The following COL24A1 variants were observed in gnomAD, a reference collection of about 807,000 sequenced individuals.
COL24A1 encodes the protein collagen type XXIV alpha 1 chain, also known as collagen alpha-1(XXIV) chain.
A neutral mutation model predicts 253.9 loss-of-function variants in COL24A1; 224 were observed. That is an observed-to-expected ratio of 0.88 (90% CI 0.79 to 0.99). The LOEUF (loss-of-function observed/expected upper bound fraction) is 0.99. Among genes scored for constraint, COL24A1 ranks in the 50% least tolerant of loss-of-function variants. COL24A1 has a pLI of 0.00. For synonymous variants in COL24A1, 685 were observed against 673.7 expected (o/e 1.02, Z -0.26); for missense variants, 2,131 against 2,068.5 (o/e 1.03, Z -0.59).
At chr1:85,836,700 A>G (rs1470082172) in intron 43 of COL24A1, among the ~76,000 whole-genome samples, 1 of 152,222 alleles carries the variant, frequency 6.6e-6, no homozygotes, top group Non-Finnish European at 1.5e-5. Flanking sequence ...ATCAATAAAT[A>G]AAATGATCCC....
intron 24 of COL24A1, among the ~76,000 whole-genome samples, chr1:85,918,240 C>G (rs1686096811): frequency 6.7e-6 from 1 of 150,128 alleles, no homozygotes; most frequent in Admixed American, 6.7e-5. Flanking sequence ...GTTAACTTTT[C>G]TATCTAGAAA....
intron 47 of COL24A1, among the ~76,000 whole-genome samples, chr1:85,815,291 G>A (rs1444539317): frequency 6.6e-6 from 1 of 152,192 alleles, no homozygotes; most frequent in Non-Finnish European, 1.5e-5. Context: ...ACTATCACAT[G>A]GTGAGTCCGG....
At chr1:86,112,145 C>CA (rs1705683430) in intron 5 of COL24A1, among the ~76,000 whole-genome samples, 2 of 151,958 alleles carry the variant, frequency 1.3e-5, no homozygotes, top group African/African-American at 4.8e-5. Context: ...TAAACATCCT[C>CA]GGTTTTTTTT....
chr1:86,097,655 T>C (rs185717215), intron 5 of COL24A1, among the ~76,000 whole-genome samples: 3 of 131,486 alleles, frequency 2.3e-5, no homozygotes, highest in Admixed American at 7.8e-5. Context: ...CTCCTCCTCC[T>C]CCTCCCCTTC....
intron 19 of COL24A1, among the ~76,000 whole-genome samples, chr1:86,002,915 C>G (rs952955949): frequency 1.3e-5 from 2 of 152,144 alleles, no homozygotes; most frequent in Non-Finnish European, 2.9e-5. Context: ...TACTCTAGCC[C>G]ATATACCAGG....
chr1:85,919,985 C>G (rs761750730), intron 24 of COL24A1, among the ~76,000 whole-genome samples: 4 of 152,062 alleles, frequency 2.6e-5, no homozygotes, highest in Non-Finnish European at 5.9e-5. Context: ...CAGTTTAGTA[C>G]AGTTGCAAAT....
intron 1 of COL24A1, among the ~76,000 whole-genome samples, chr1:86,147,436 A>G (rs1337046181): frequency 6.6e-6 from 1 of 152,256 alleles, no homozygotes; most frequent in Non-Finnish European, 1.5e-5. Flanking sequence ...AATACTTAAC[A>G]ACTGTCACTA....
chr1:86,126,221 ATTT>A lies in COL24A1; in HGVS notation c.122-10_122-8del. ...TGATGAAGAATATCTATGCCTGGAAATTTAAAAAAGAGAGAGAGAAAGAATCTT... is the reference window on the plus strand; with the variant it reads ...TGATGAAGAATATCTATGCCTGGAAAAAAAAAGAGAGAGAGAAAGAATCTT... On this transcript the variant is annotated splice_polypyrimidine_tract_variant and splice_region_variant and intron_variant, in intron 2 of 59. Coordinates refer to ENST00000370571, the MANE Select transcript of COL24A1 (RefSeq NM_152890.7). The A allele has an allele frequency of 2.6e-6, 4 of 1,562,420 alleles. No homozygotes were observed. Among genetic ancestry groups the A allele is most frequent in the Admixed American group, 2.0e-5 (1 of 51,256 alleles).
rs749491248 is a variant in COL24A1 at position 85,847,771 on chromosome 1, C to A, written c.3356G>T (p.Gly1119Val). The A allele has an allele frequency of 6.2e-7, 1 of 1,606,462 alleles. No individual in the cohort carries two copies. Among genetic ancestry groups the A allele is most frequent in the Non-Finnish European group, 8.5e-7 (1 of 1,173,436 alleles). ...PGQRGRPGKK[G>V]DKGQIGPTGE... is the part of the protein sequence containing the mutation. The stretch of plus-strand genomic sequence containing the variant: ...TGTGGGTCCTATTTGTCCTTTATCA[C>A]CCTGTGGATGACATTATTAAGAGAG... The change falls in exon 39 of 60, where the codon GGT becomes GTT. Residue 1119 changes from glycine (G) to valine (V), a missense_variant and splice_region_variant. Gly to Val is a moderately radical substitution (Grantham distance 109, BLOSUM62 -3). Coordinates refer to ENST00000370571, the MANE Select transcript of COL24A1 (RefSeq NM_152890.7).
intron 55 of COL24A1, among the ~76,000 whole-genome samples, chr1:85,748,112 T>C (rs761313216): frequency 6.6e-6 from 1 of 152,260 alleles, no homozygotes; most frequent in Non-Finnish European, 1.5e-5. Flanking sequence ...TTTTCCCTAA[T>C]TTTTATTTTT....
intron 10 of COL24A1, among the ~76,000 whole-genome samples, chr1:86,056,109 C>T (rs1406455621): frequency 2.0e-5 from 2 of 98,582 alleles, no homozygotes; most frequent in Non-Finnish European, 3.8e-5. Flanking sequence ...TAGAGTGAGA[C>T]TCTGTTTCAA....
chr1:85,909,262 T>C (rs907013206), intron 26 of COL24A1, among the ~76,000 whole-genome samples: 4 of 151,764 alleles, frequency 2.6e-5, no homozygotes, highest in Non-Finnish European at 5.9e-5. Context: ...AAAACACTTA[T>C]AGGACTTTTC....
intron 22 of COL24A1, among the ~76,000 whole-genome samples, chr1:85,967,437 G>T (rs1306374126): frequency 6.6e-6 from 1 of 152,208 alleles, no homozygotes; most frequent in Non-Finnish European, 1.5e-5. Context: ...AAAGGCAGCA[G>T]AATCAATGCA....
At chr1:85,875,716 GACACACACACACACACACACACACACAC>G (rs141827930) in intron 33 of COL24A1, among the ~76,000 whole-genome samples, 82 of 141,108 alleles carry the variant, frequency 5.8e-4, no homozygotes, top group African/African-American at 1.6e-3. Flanking sequence ...CATTATAAAA[GACACACACACACACACACACACACACAC>G]ACACACACAC....
chr1:85,865,836 G>A (rs1414397310), intron 37 of COL24A1, among the ~76,000 whole-genome samples: 1 of 151,940 alleles, frequency 6.6e-6, no homozygotes, highest in Non-Finnish European at 1.5e-5. Context: ...CTTCTCTGTG[G>A]GTCCAGGCCT....
chr1:85,918,450 G>T (rs1686123781), intron 24 of COL24A1, among the ~76,000 whole-genome samples: 1 of 151,966 alleles, frequency 6.6e-6, no homozygotes, highest in South Asian at 2.1e-4. Flanking sequence ...ATGATGATTT[G>T]TCTGTTTTTC....
At chr1:85,882,321 G>A (rs894738499) in intron 32 of COL24A1, among the ~76,000 whole-genome samples, 3 of 152,088 alleles carry the variant, frequency 2.0e-5, no homozygotes, top group African/African-American at 7.2e-5. Flanking sequence ...AAAATTAGCC[G>A]GGCATGGTGG....
At position 85,823,585 on chromosome 1, in the gene COL24A1, T is replaced by G. The variant is rs777687281; in HGVS notation, c.3740A>C (p.Glu1247Ala). ...GATGQQGPPG[E>A]PGDQGEQGLK... The stretch of plus-strand genomic sequence containing the variant: ...TCCTTGTTCACCCTGGTCACCTGGT[T>G]CGCCCTTTAGTAGAAACCAAAATAA... Residue 1247 changes from glutamate to alanine, a missense_variant, in exon 45 of 60, where the codon GAA becomes GCA. Transcript: ENST00000370571. The G allele has an allele frequency of 1.9e-6, 3 of 1,614,036 alleles. No homozygotes were observed. The highest frequency in any genetic ancestry group is 2.5e-6 in the Non-Finnish European group (3 of 1,179,952).
chr1:86,044,126 T>C (rs1243164405), intron 12 of COL24A1, among the ~76,000 whole-genome samples: 2 of 152,206 alleles, frequency 1.3e-5, no homozygotes, highest in African/African-American at 2.4e-5. Flanking sequence ...TATCAAAAGA[T>C]CTTTTCCTTT....
Sources: allele counts gnomAD v4.1 joint callset (sites outside exome capture counted in the v4.1 genomes callset), GRCh38; gene constraint gnomAD v4.1.1; transcripts MANE v1.5; gene names NCBI Gene and HGNC (gene_info 2026-07-23, HGNC 2026-07-21).